Variants in PTCSC3 observed in about 807,000 individuals in gnomAD.
PTCSC3 encodes the protein papillary thyroid carcinoma susceptibility candidate 3.
chr14:36,141,018 C>A (rs1410441298), intron 3 of PTCSC3, among the ~76,000 whole-genome samples: 3 of 152,136 alleles, frequency 2.0e-5, no homozygotes, highest in Non-Finnish European at 4.4e-5. Flanking sequence ...TGCCTCTACT[C>A]CTGTCAGAGG....
At chr14:36,158,725 G>A (rs147661892) in intron 2 of PTCSC3, among the ~76,000 whole-genome samples, 9 of 152,238 alleles carry the variant, frequency 5.9e-5, no homozygotes, top group African/African-American at 1.7e-4. Context: ...GTTTTTGGTT[G>A]TGTCTCTGCC....
exon 2 of PTCSC3, chr14:36,162,683 C>T (rs905245066): frequency 6.6e-5 from 10 of 152,202 alleles, no homozygotes; most frequent in African/African-American, 1.7e-4. Flanking sequence ...GGCCATTTTG[C>T]CTGCAATCCA....
intron 3 of PTCSC3, among the ~76,000 whole-genome samples, chr14:36,150,477 C>A (rs1881695978): frequency 2.6e-5 from 4 of 152,308 alleles, no homozygotes; most frequent in African/African-American, 9.6e-5. Flanking sequence ...AAATAAACTT[C>A]TGTTTTATGA....
chr14:36,150,436 T>C (rs1344344278), intron 3 of PTCSC3, among the ~76,000 whole-genome samples: 1 of 152,204 alleles, frequency 6.6e-6, no homozygotes, highest in Non-Finnish European at 1.5e-5. Context: ...GGTGACTTGA[T>C]TGTGGACTTC....
chr14:36,145,529 T>C (rs1055140723), intron 3 of PTCSC3, among the ~76,000 whole-genome samples: 2 of 147,004 alleles, frequency 1.4e-5, no homozygotes, highest in African/African-American at 2.5e-5. Context: ...TTTTTTATTG[T>C]GTCTATTTGA....
chr14:36,145,174 T>C (rs1467091304), intron 3 of PTCSC3, among the ~76,000 whole-genome samples: 1 of 145,378 alleles, frequency 6.9e-6, no homozygotes, highest in African/African-American at 2.6e-5. Context: ...GCTGGCCTCA[T>C]AAGATGAGTT....
intron 3 of PTCSC3, among the ~76,000 whole-genome samples, chr14:36,146,559 T>A (rs1881574156): frequency 6.6e-6 from 1 of 152,162 alleles, no homozygotes; most frequent in Non-Finnish European, 1.5e-5. Flanking sequence ...TGTGTGTCTC[T>A]GCACATGAGA....
At chr14:36,138,583 A>T (rs538851831) in intron 3 of PTCSC3, among the ~76,000 whole-genome samples, 3 of 152,346 alleles carry the variant, frequency 2.0e-5, no homozygotes, top group African/African-American at 7.2e-5. Flanking sequence ...ATACGAAAAG[A>T]TGTTCAACAT....
At chr14:36,160,442 C>T (rs1422840203) in intron 2 of PTCSC3, among the ~76,000 whole-genome samples, 2 of 152,162 alleles carry the variant, frequency 1.3e-5, no homozygotes, top group Non-Finnish European at 2.9e-5. Context: ...AATCTCTCAG[C>T]ATTTGCTTGT....
At chr14:36,138,110 G>A (rs1037548223) in intron 3 of PTCSC3, among the ~76,000 whole-genome samples, 1 of 152,004 alleles carries the variant, frequency 6.6e-6, no homozygotes, top group African/African-American at 2.4e-5. Context: ...GAAAAACCAA[G>A]GTAATTCAAA....
At chr14:36,161,683 G>T (rs1881959593) in intron 2 of PTCSC3, among the ~76,000 whole-genome samples, 1 of 152,218 alleles carries the variant, frequency 6.6e-6, no homozygotes, top group South Asian at 2.1e-4. Flanking sequence ...GTGTCTCTCA[G>T]TCAGGAGACA....
chr14:36,150,873 T>C (rs111785920), intron 3 of PTCSC3, among the ~76,000 whole-genome samples: 2,093 of 152,270 alleles, frequency 0.014, 40 homozygotes, highest in African/African-American at 0.044. Flanking sequence ...AAGCTATATA[T>C]GTTGTTGATA....
At chr14:36,150,686 C>T (rs925077058) in intron 3 of PTCSC3, among the ~76,000 whole-genome samples, 12 of 152,032 alleles carry the variant, frequency 7.9e-5, no homozygotes, top group East Asian at 1.9e-4. Context: ...TCTTAGAAAT[C>T]GATTAAAAAA....
At chr14:36,162,325 G>A (rs1370530183) in intron 2 of PTCSC3, among the ~76,000 whole-genome samples, 1 of 150,128 alleles carries the variant, frequency 6.7e-6, no homozygotes. Context: ...ATGGCTGCCC[G>A]GTTTTGTGCT....
At chr14:36,155,478 T>C (rs923581864) in intron 2 of PTCSC3, among the ~76,000 whole-genome samples, 2 of 152,014 alleles carry the variant, frequency 1.3e-5, no homozygotes, top group African/African-American at 2.4e-5. Flanking sequence ...ATTTTATATA[T>C]ACATATATAA....
chr14:36,147,557 A>G (rs376033386), intron 3 of PTCSC3, among the ~76,000 whole-genome samples: 1 of 152,000 alleles, frequency 6.6e-6, no homozygotes, highest in Non-Finnish European at 1.5e-5. Flanking sequence ...CTAGTTATAC[A>G]TTCTTCTAAA....
intron 2 of PTCSC3, among the ~76,000 whole-genome samples, chr14:36,154,652 T>C (rs1217531248): frequency 6.6e-6 from 1 of 151,392 alleles, no homozygotes; most frequent in Non-Finnish European, 1.5e-5. Flanking sequence ...CTGACTGGGG[T>C]TGTGTGGTTA....
downstream of PTCSC3, chr14:36,136,019 G>A (rs1382127455): frequency 6.6e-6 from 1 of 152,528 alleles, no homozygotes; most frequent in African/African-American, 2.4e-5. Flanking sequence ...CAAGGATAGT[G>A]AGTCCCAGTC....
intron 3 of PTCSC3, among the ~76,000 whole-genome samples, chr14:36,139,839 A>G (rs1021300587): frequency 1.3e-5 from 2 of 152,244 alleles, no homozygotes; most frequent in African/African-American, 4.8e-5. Flanking sequence ...GATTATTATT[A>G]ACTAAAGTCC....
Sources: gnomAD v4.1 joint callset for allele counts (sites outside exome capture counted in the v4.1 genomes callset) on GRCh38, gnomAD v4.1.1 for gene constraint, MANE v1.5 for transcripts, NCBI Gene and HGNC (gene_info 2026-07-23, HGNC 2026-07-21) for gene names.